Variants in LHCGR observed in about 807,000 individuals in gnomAD.
LHCGR encodes lutropin-choriogonadotropic hormone receptor.
In LHCGR, 55 loss-of-function variants were observed where a neutral mutation model predicts 60.7. The observed-to-expected ratio is 0.91, with a 90% confidence interval of 0.73 to 1.13. The LOEUF (loss-of-function observed/expected upper bound fraction) is 1.13, where lower values mean the gene tolerates loss of function less well. Among genes scored for constraint, LHCGR ranks in the 50% most tolerant of loss-of-function variants. The pLI, the probability that LHCGR is intolerant of heterozygous loss-of-function variation, is 0.00. For synonymous variants in LHCGR, 337 were observed against 316.5 expected (o/e 1.06, Z -0.69); for missense variants, 862 against 836.0 (o/e 1.03, Z -0.38).
chr2:48,731,331 AG>A, intron 1 of LHCGR, 33 bp from the exon 2 acceptor site: 1 of 1,491,762 alleles, frequency 6.7e-7, no homozygotes, highest in Non-Finnish European at 9.3e-7. Context: ...CAAGAGTTTA[AG>A]ATTTATGATA....
intron 2 of LHCGR, 141 bp downstream of exon 2, chr2:48,731,086 T>A: frequency 1.6e-6 from 1 of 620,758 alleles, no homozygotes; most frequent in South Asian, 1.9e-5. Flanking sequence ...TTATTATTTG[T>A]ATTACAAAGA....
At position 48,700,752 on chromosome 2, in the gene LHCGR, G is replaced by T. The variant is rs560138588; in HGVS notation, c.681-1952C>A. 2.6e-5 allele frequency among the ~76,000 whole-genome samples: 4 copies of T among 152,310 alleles called. No individual in the cohort carries two copies. In the South Asian group the frequency reaches 8.3e-4, roughly 32 times the overall value. ...ATGCAGAAAAAGACCCCTAGGATAA[G>T]GTTGCCAGAAGTTGAGAGCAGAGAA... On this transcript the variant is annotated intron_variant, in intron 8 of 10. Coordinates refer to ENST00000294954, the MANE Select transcript of LHCGR (RefSeq NM_000233.4).
intron 4 of LHCGR, 150 bp from the exon 5 acceptor site, chr2:48,723,846 C>T: frequency 1.5e-6 from 1 of 664,326 alleles, no homozygotes; most frequent in Non-Finnish European, 2.7e-6. Context: ...GTTATCAGGA[C>T]TACTTTTAGC....
At chr2:48,695,687 A>C (rs1190621134) in intron 9 of LHCGR, among the ~76,000 whole-genome samples, 1 of 152,216 alleles carries the variant, frequency 6.6e-6, no homozygotes, top group Non-Finnish European at 1.5e-5. Flanking sequence ...TGTGGTACAT[A>C]TATACAATGT....
At chr2:48,705,050 T>C (rs927649951) in intron 8 of LHCGR, among the ~76,000 whole-genome samples, 7 of 152,188 alleles carry the variant, frequency 4.6e-5, no homozygotes, top group East Asian at 1.9e-4. Flanking sequence ...TCCCTCTACA[T>C]ACTGCTTTAA....
intron 1 of LHCGR, among the ~76,000 whole-genome samples, chr2:48,748,900 A>G (rs1313030227): frequency 6.6e-6 from 1 of 152,194 alleles, no homozygotes; most frequent in Non-Finnish European, 1.5e-5. Flanking sequence ...AGTTCTGCCC[A>G]GTCTGTCCTG....
At chr2:48,689,172 CATAT>C (rs1680076526) in intron 10 of LHCGR, among the ~76,000 whole-genome samples, 1 of 150,594 alleles carries the variant, frequency 6.6e-6, no homozygotes, top group South Asian at 2.1e-4. Context: ...CACATATATA[CATAT>C]ATACACACAT....
At chr2:48,693,577 C>T (rs1666968728) in intron 10 of LHCGR, among the ~76,000 whole-genome samples, 1 of 152,134 alleles carries the variant, frequency 6.6e-6, no homozygotes, top group Admixed American at 6.5e-5. Context: ...CTCATGGGGG[C>T]ATAATAAAAC....
intron 6 of LHCGR, among the ~76,000 whole-genome samples, chr2:48,715,023 A>G (rs956696706): frequency 2.0e-5 from 3 of 151,948 alleles, no homozygotes; most frequent in Non-Finnish European, 2.9e-5. Context: ...CTCCACTGAT[A>G]TCCTCATGGG....
At chr2:48,706,053 A>T (rs1572839041) in intron 8 of LHCGR, among the ~76,000 whole-genome samples, 1 of 152,252 alleles carries the variant, frequency 6.6e-6, no homozygotes, top group East Asian at 1.9e-4. Flanking sequence ...TTCCATGTTT[A>T]GTGCTTCCTT....
intron 2 of LHCGR, among the ~76,000 whole-genome samples, chr2:48,730,917 C>T (rs1010975929): frequency 1.3e-5 from 2 of 152,096 alleles, no homozygotes; most frequent in Admixed American, 1.3e-4. Flanking sequence ...GGAATAGCTG[C>T]TCTAGCAGAA....
At chr2:48,699,642 A>G (rs1012182576) in intron 8 of LHCGR, among the ~76,000 whole-genome samples, 2 of 152,240 alleles carry the variant, frequency 1.3e-5, no homozygotes, top group Non-Finnish European at 2.9e-5. Context: ...TCATCTACCT[A>G]GGAAGCAGAA....
At chr2:48,693,835 A>G (rs1050543571) in intron 10 of LHCGR, among the ~76,000 whole-genome samples, 3 of 152,222 alleles carry the variant, frequency 2.0e-5, no homozygotes, top group Non-Finnish European at 4.4e-5. Context: ...GGAAGTGGCT[A>G]CTTTTAAGCT....
chr2:48,723,393 C>G (rs190521088), intron 6 of LHCGR, 63 bp downstream of exon 6: 1 of 1,163,530 alleles, frequency 8.6e-7, no homozygotes, highest in Admixed American at 1.7e-5. Context: ...AAGCTCACCC[C>G]AACCTAGTAG....
intron 2 of LHCGR, among the ~76,000 whole-genome samples, chr2:48,730,721 A>G (rs1368819574): frequency 6.6e-6 from 1 of 152,248 alleles, no homozygotes; most frequent in African/African-American, 2.4e-5. Context: ...TCTGACAAAC[A>G]TGAGATCATA....
intron 1 of LHCGR, among the ~76,000 whole-genome samples, chr2:48,742,338 G>A (rs866002263): frequency 1.2e-3 from 182 of 151,904 alleles, no homozygotes; most frequent in Middle Eastern, 6.8e-3. Context: ...TGCACCAAGC[G>A]GACCTAATAG....
chr2:48,721,455 A>G (rs576947675), intron 6 of LHCGR: 1 of 274,238 alleles, frequency 3.6e-6, no homozygotes, highest in African/African-American at 2.2e-5. Flanking sequence ...AGTAAAGAGT[A>G]TGGGTTATTT....
chr2:48,728,087 G>GTT (rs10533413), intron 3 of LHCGR, among the ~76,000 whole-genome samples: 1 of 148,744 alleles, frequency 6.7e-6, no homozygotes, highest in Non-Finnish European at 1.5e-5. Context: ...AACATTATGA[G>GTT]TTTTTTTTTT....
chr2:48,740,081 G>A (rs2103677625), intron 1 of LHCGR, among the ~76,000 whole-genome samples: 1 of 152,356 alleles, frequency 6.6e-6, no homozygotes, highest in African/African-American at 2.4e-5. Flanking sequence ...AGGGGTGACA[G>A]ATGGCACCTG....
Sources: allele counts gnomAD v4.1 joint callset (sites outside exome capture counted in the v4.1 genomes callset), GRCh38; gene constraint gnomAD v4.1.1; transcripts MANE v1.5; gene names NCBI Gene and HGNC (gene_info 2026-07-23, HGNC 2026-07-21).